Variants in POLI observed in about 807,000 individuals in gnomAD.
The protein encoded by POLI is RAD30 homolog B.
A neutral mutation model predicts 51.6 loss-of-function variants in POLI; 58 were observed. The observed-to-expected ratio is 1.12, with a 90% CI of 0.91 to 1.40. The LOEUF is 1.40. Ranked by LOEUF, POLI falls within the 40% of genes most tolerant of loss-of-function variation. The pLI, the probability that POLI is intolerant of heterozygous loss-of-function variation, is 0.00. For missense variants in POLI, 921 were observed against 871.3 expected, an observed-to-expected ratio of 1.06 and a Z score of -0.72; for synonymous variants, 322 against 299.7, an observed-to-expected ratio of 1.07 and a Z score of -0.77.
At chr18:54,304,462 G>A (rs568397616) in intron 3 of POLI, among the ~76,000 whole-genome samples, 29 of 152,298 alleles carry the variant, frequency 1.9e-4, no homozygotes, top group East Asian at 7.7e-4. Context: ...TCTAACTGGC[G>A]TGAGATGGTA....
chr18:54,277,998 A>C, intron 4 of POLI, 143 bp downstream of exon 4: 1 of 587,980 alleles, frequency 1.7e-6, no homozygotes, highest in Non-Finnish European at 2.9e-6. Context: ...TGTCTAGGAC[A>C]GCTAAAATTA....
intron 5 of POLI, among the ~76,000 whole-genome samples, chr18:54,282,428 G>C (rs1239021910): frequency 6.6e-6 from 1 of 152,128 alleles, no homozygotes; most frequent in East Asian, 1.9e-4. Context: ...ATTATCTGCA[G>C]TTTCACTTTT....
chr18:54,297,673 T>G lies in POLI; in HGVS notation c.*3206T>G. 1.0e-6 allele frequency: 1 copy of G among 975,506 alleles called. No individual in the cohort carries two copies. Among genetic ancestry groups the G allele is most frequent in the Non-Finnish European group, 1.2e-6 (1 of 820,824 alleles). The allele number at this position is 975,506 out of a possible 1,614,324, so 60.4% of individuals were successfully genotyped here. A position where few individuals can be genotyped will look rare whatever the true frequency, so the allele number is the denominator to read the frequency against. On this transcript the variant is annotated 3_prime_UTR_variant, in exon 10 of 10. Transcript: ENST00000579534. Reference sequence around the variant, plus strand: ...AATCATATATTTTCCCTTTACTGATTTGGAATGTGAATGTTACAAGTCCTT... The same window carrying G: ...AATCATATATTTTCCCTTTACTGATGTGGAATGTGAATGTTACAAGTCCTT...
chr18:54,309,923 G>A (rs900070767), intron 3 of POLI, among the ~76,000 whole-genome samples: 13 of 152,208 alleles, frequency 8.5e-5, no homozygotes, highest in African/African-American at 2.2e-4. Flanking sequence ...CTGGTGCGCC[G>A]TTTGCTAAGA....
At chr18:54,272,129 AT>A (rs757547086) in intron 2 of POLI, 8 of 152,192 alleles carry the variant, frequency 5.3e-5, no homozygotes, top group Non-Finnish European at 8.8e-5. Context: ...CATAAAGAAC[AT>A]TTTTGGTTCA....
At chr18:54,307,917 T>TC in intron 3 of POLI, among the ~76,000 whole-genome samples, 1 of 152,140 alleles carries the variant, frequency 6.6e-6, no homozygotes, top group African/African-American at 2.4e-5. Context: ...GTTTTTTTTT[T>TC]TGCTTACCAT....
At chr18:54,299,079 A>G (rs989785751), downstream of POLI, among the ~76,000 whole-genome samples, 4 of 152,202 alleles carry the variant, frequency 2.6e-5, no homozygotes, top group African/African-American at 9.6e-5. Flanking sequence ...CCTACCTCAG[A>G]CATACTCAGA....
intron 2 of POLI, among the ~76,000 whole-genome samples, chr18:54,271,746 A>G (rs1017776478): frequency 1.2e-4 from 19 of 152,240 alleles, no homozygotes; most frequent in African/African-American, 4.3e-4. Flanking sequence ...TGTGCTGGTT[A>G]GTAGCTTAGT....
intron 3 of POLI, 119 bp from the exon 4 acceptor site, chr18:54,277,584 C>A: frequency 1.7e-6 from 1 of 596,810 alleles, no homozygotes; most frequent in Non-Finnish European, 2.9e-6. Context: ...TATTATGGAA[C>A]TATGAATGTA....
In POLI at chr18:54,296,257, G is replaced by C; in HGVS notation, c.*1790G>C. 2 of 985,348 alleles carry C rather than the reference G, an allele frequency of 2.0e-6. No homozygotes were observed. Among genetic ancestry groups the C allele is most frequent in the Non-Finnish European group, 2.4e-6 (2 of 829,912 alleles). The allele number at this position is 985,348 out of a possible 1,614,324, so 61.0% of individuals were successfully genotyped here. On this transcript the variant is annotated 3_prime_UTR_variant, in exon 10 of 10. Transcript: ENST00000579534. ...AATGGCTAAGAAAACAAAGTAAATG[G>C]TTTTGGCCAGCTTAAAAAGAGAAAG... is the stretch of plus-strand genomic sequence containing the variant.
rs372697304 is a variant in POLI at position 54,306,302 on chromosome 18, C to T, written c.334-13971C>T. 1.1e-3 allele frequency among the ~76,000 whole-genome samples: 173 copies of T among 152,166 alleles called. 4 individuals are homozygous for T. In the South Asian group the frequency reaches 0.029, roughly 26 times the overall value. The stretch of plus-strand genomic sequence containing the variant: ...TGCATAAAGGGCTGTTGAATTTTGT[C>T]GAAGGCCTTTTCTGCATCTATTGAG... On this transcript the variant is annotated intron_variant, in intron 3 of 4. Transcript: ENST00000579823.
At position 54,296,254 on chromosome 18, in the gene POLI, A is replaced by T. The variant is rs2092544346; in HGVS notation, c.*1787A>T. On this transcript the variant is annotated 3_prime_UTR_variant, in exon 10 of 10. Coordinates refer to ENST00000579534, the MANE Select transcript of POLI (RefSeq NM_007195.3). ...AAAAATGGCTAAGAAAACAAAGTAA[A>T]TGGTTTTGGCCAGCTTAAAAAGAGA... 3 of 985,372 alleles carry T rather than the reference A, an allele frequency of 3.0e-6. No individual in the cohort carries two copies. Among genetic ancestry groups the T allele is most frequent in the Non-Finnish European group, 3.6e-6 (3 of 829,878 alleles). The allele number at this position is 985,372 out of a possible 1,614,324, so 61.0% of individuals were successfully genotyped here. A position where few individuals can be genotyped will look rare whatever the true frequency, so the allele number is the denominator to read the frequency against.
chr18:54,300,738 A>G (rs985819643), downstream of POLI, among the ~76,000 whole-genome samples: 5 of 152,316 alleles, frequency 3.3e-5, no homozygotes, highest in Non-Finnish European at 7.3e-5. Context: ...AAAAATAAAG[A>G]CAAATATGTT....
At chr18:54,274,806 T>C (rs538384091) in intron 3 of POLI, 1 of 152,178 alleles carries the variant, frequency 6.6e-6, no homozygotes, top group Non-Finnish European at 1.5e-5. Context: ...ATTATTTGTC[T>C]TTTTTACTTT....
intron 3 of POLI, among the ~76,000 whole-genome samples, chr18:54,304,716 G>C (rs576746109): frequency 6.6e-6 from 1 of 152,250 alleles, no homozygotes; most frequent in Non-Finnish European, 1.5e-5. Flanking sequence ...TAGGTTGCCT[G>C]TTCACTCTGC....
rs146525220 is a variant in POLI, at chr18:54,317,491, A to G, written c.334-2782A>G. 8.3e-3 allele frequency among the ~76,000 whole-genome samples: 1,258 copies of G among 152,330 alleles called. 14 individuals are homozygous for G. The highest frequency in any genetic ancestry group is 0.029 in the African/African-American group (1,186 of 41,576). ...TAGCAAAAAAGTGTTAGTGAAAAAC[A>G]AACTAATTTTGTTCTGACGAATTGA... is the stretch of plus-strand genomic sequence containing the variant. On this transcript the variant is annotated intron_variant, in intron 3 of 4. Transcript: ENST00000579823.
At chr18:54,284,859 A>G (rs1489644499) in intron 7 of POLI, 1 of 152,148 alleles carries the variant, frequency 6.6e-6, no homozygotes, top group Non-Finnish European at 1.5e-5. Context: ...TTATACATGT[A>G]TTTCTCAATA....
At chr18:54,276,915 A>G (rs2087267772) in intron 3 of POLI, among the ~76,000 whole-genome samples, 1 of 152,228 alleles carries the variant, frequency 6.6e-6, no homozygotes, top group South Asian at 2.1e-4. Context: ...AGAGACTTGC[A>G]TTTGTTTTCT....
At chr18:54,317,542 G>A (rs1294013561) in intron 3 of POLI, among the ~76,000 whole-genome samples, 1 of 152,110 alleles carries the variant, frequency 6.6e-6, no homozygotes, top group Non-Finnish European at 1.5e-5. Flanking sequence ...TTAAGTGGTG[G>A]ATAAATTTTA....
Sources: gnomAD v4.1 joint callset for allele counts (sites outside exome capture counted in the v4.1 genomes callset) on GRCh38, gnomAD v4.1.1 for gene constraint, MANE v1.5 for transcripts, NCBI Gene and HGNC (gene_info 2026-07-23, HGNC 2026-07-21) for gene names.